RAB5C: variants seen among roughly 807,000 people sequenced by gnomAD.
RAB5C encodes RAB5C, member RAS oncogene family, also known as ras-related protein Rab-5C.
Under a neutral mutation model 25.2 loss-of-function variants are expected in RAB5C, and 4 were observed. The ratio of observed to expected loss-of-function variants is 0.16; its 90% CI spans 0.08 to 0.36. RAB5C has a LOEUF of 0.36. RAB5C is among the 10% of genes least tolerant of loss of function. The pLI is 1.00. For synonymous variants in RAB5C, 100 were observed against 106.4 expected (o/e 0.94, Z 0.37); for missense variants, 199 against 283.8 (o/e 0.70, Z 2.15).
intron 1 of RAB5C, among the ~76,000 whole-genome samples, chr17:42,144,479 A>G (rs1362592401): frequency 6.6e-6 from 1 of 151,582 alleles, no homozygotes; most frequent in Non-Finnish European, 1.5e-5. Context: ...AAATAAATAA[A>G]AATAAATGGG....
intron 1 of RAB5C, among the ~76,000 whole-genome samples, chr17:42,148,927 G>C (rs759774081): frequency 7.9e-5 from 12 of 152,188 alleles, no homozygotes; most frequent in Non-Finnish European, 1.8e-4. Context: ...GGGGTTGTCG[G>C]AGGATTAAAG....
chr17:42,128,733 A>C lies in RAB5C; in HGVS notation c.234T>G (p.Ala78=). Residue 78 remains alanine (A), a synonymous_variant, in exon 3 of 6, where the codon GCT becomes GCG. Transcript: ENST00000346213. ...TTVKFEIWDT[A]GQERYHSLAP... is the part of the protein sequence containing the mutation. ...CCAGGCTGTGATACCGCTCCTGTCC[A>C]GCTGTGTCCCAGATCTCAAACTTGA... The C allele has an allele frequency of 1.3e-6, 2 of 1,587,714 alleles. No homozygotes were observed. Among genetic ancestry groups the C allele is most frequent in the Non-Finnish European group, 1.7e-6 (2 of 1,167,814 alleles).
At chr17:42,144,979 A>AAG (rs2079624991) in intron 1 of RAB5C, among the ~76,000 whole-genome samples, 6 of 123,654 alleles carry the variant, frequency 4.9e-5, no homozygotes, top group Non-Finnish European at 1.0e-4. Flanking sequence ...AAAAAAAAAA[A>AAG]AGAAACCCCA....
rs969219581 is a variant in RAB5C, at chr17:42,130,963, TAAAAC to T, written c.-88-378_-88-374del. 2.0e-4 allele frequency among the ~76,000 whole-genome samples: 31 copies of T among 151,964 alleles called. No homozygotes were observed. In the South Asian group the frequency reaches 2.5e-3, roughly 12 times the overall value. On this transcript the variant is annotated intron_variant, in intron 1 of 5. Coordinates refer to ENST00000346213, the MANE Select transcript of RAB5C (RefSeq NM_004583.4). ...AGTCAACAGGCTTTTGGGGCAAAAT[TAAAAC>T]AAAACAAAACAAAACAAAAGCTCAG...
chr17:42,128,193 A>G (rs1480018921), intron 4 of RAB5C, 68 bp downstream of exon 4: 3 of 1,551,530 alleles, frequency 1.9e-6, no homozygotes, highest in Non-Finnish European at 2.6e-6. Flanking sequence ...AAAGCCCCTG[A>G]GCATCCCAGG....
At chr17:42,128,466 C>G in intron 3 of RAB5C, 83 bp from the exon 4 acceptor site, 2 of 1,512,842 alleles carry the variant, frequency 1.3e-6, no homozygotes, top group Admixed American at 2.1e-5. Flanking sequence ...CAAGCTGGCA[C>G]AGCCAAATTA....
chr17:42,145,371 T>C (rs567201817), intron 1 of RAB5C, among the ~76,000 whole-genome samples: 1 of 152,186 alleles, frequency 6.6e-6, no homozygotes, highest in African/African-American at 2.4e-5. Context: ...CTCAGCCAAG[T>C]GATCATGGTT....
chr17:42,148,953 G>C (rs1383857000), intron 1 of RAB5C, among the ~76,000 whole-genome samples: 1 of 152,160 alleles, frequency 6.6e-6, no homozygotes, highest in Non-Finnish European at 1.5e-5. Flanking sequence ...AACACATAGG[G>C]CTCACAAGAG....
chr17:42,137,704 T>C (rs957163087), intron 1 of RAB5C: 4 of 152,056 alleles, frequency 2.6e-5, no homozygotes, highest in Non-Finnish European at 5.9e-5. Context: ...CCGGCCAACA[T>C]GGTGAAACCC....
At chr17:42,148,555 A>G (rs1334410751) in intron 1 of RAB5C, among the ~76,000 whole-genome samples, 1 of 152,212 alleles carries the variant, frequency 6.6e-6, no homozygotes, top group Non-Finnish European at 1.5e-5. Context: ...AAGATCAAAC[A>G]GGACCCGATC....
intron 1 of RAB5C, among the ~76,000 whole-genome samples, chr17:42,144,921 G>A (rs1443216117): frequency 5.1e-4 from 16 of 31,224 alleles, no homozygotes; most frequent in East Asian, 2.0e-3. Flanking sequence ...GCCAGACTCC[G>A]TCTCAAAAAA....
At chr17:42,127,885 G>A (rs731151) in intron 4 of RAB5C, among the ~76,000 whole-genome samples, 35,926 of 150,382 alleles carry the variant, frequency 0.24, 5,140 homozygotes, top group African/African-American at 0.41. Context: ...GGAGTGCAGT[G>A]TTGCAATCAC....
chr17:42,130,532 C>T lies in RAB5C; in HGVS notation c.-30G>A, dbSNP rs955928227. 10 of 1,612,622 alleles carry T rather than the reference C, an allele frequency of 6.2e-6. No homozygotes were observed. In the African/African-American group the frequency reaches 1.1e-4, roughly 17 times the overall value. On this transcript the variant is annotated 5_prime_UTR_variant, in exon 2 of 6. Coordinates refer to ENST00000346213, the MANE Select transcript of RAB5C (RefSeq NM_004583.4). ...CGTCCAGCTGTAGTGGTCCAGAGAG[C>T]GTGCGGGTGGGGACTGGTGCTATGC...
intron 1 of RAB5C, among the ~76,000 whole-genome samples, chr17:42,140,235 A>G (rs1336694226): frequency 6.6e-6 from 1 of 152,124 alleles, no homozygotes; most frequent in African/African-American, 2.4e-5. Flanking sequence ...AACAGAAAAC[A>G]AAAGAAAGCC....
At chr17:42,138,949 G>A (rs1373233050) in intron 1 of RAB5C, among the ~76,000 whole-genome samples, 1 of 152,154 alleles carries the variant, frequency 6.6e-6, no homozygotes, top group African/African-American at 2.4e-5. Flanking sequence ...AGACACCCCT[G>A]AGGGACAGAC....
At position 42,128,697 on chromosome 17, in the gene RAB5C, G is replaced by A. The variant is rs1940208541; in HGVS notation, c.270C>T (p.Tyr90=). The part of the protein sequence containing the change: ...QERYHSLAPM[Y]YRGAQAAIVV... Reference sequence around the variant, plus strand: ...CGATGGCAGCCTGGGCCCCCCGATAGTACATGGGGGCCAGGCTGTGATACC... The same window carrying A: ...CGATGGCAGCCTGGGCCCCCCGATAATACATGGGGGCCAGGCTGTGATACC... Residue 90 remains tyrosine, a synonymous_variant, in exon 3 of 6, where the codon TAC becomes TAT. Coordinates refer to ENST00000346213, the MANE Select transcript of RAB5C (RefSeq NM_004583.4). The A allele has an allele frequency of 6.4e-7, 1 of 1,556,934 alleles. No individual in the cohort carries two copies. Among genetic ancestry groups the A allele is most frequent in the Non-Finnish European group, 8.7e-7 (1 of 1,154,296 alleles).
intron 4 of RAB5C, among the ~76,000 whole-genome samples, chr17:42,127,369 A>G (rs528437048): frequency 8.5e-5 from 13 of 152,350 alleles, no homozygotes; most frequent in African/African-American, 3.1e-4. Context: ...TTCTAGGGTT[A>G]GCAGAGACTT....
intron 1 of RAB5C, among the ~76,000 whole-genome samples, chr17:42,131,415 C>G (rs1025769383): frequency 6.6e-6 from 1 of 151,368 alleles, no homozygotes; most frequent in Non-Finnish European, 1.5e-5. Context: ...AACACACACA[C>G]CGGAACAAAT....
intron 1 of RAB5C, among the ~76,000 whole-genome samples, chr17:42,141,953 C>T (rs1314776020): frequency 4.6e-5 from 7 of 152,114 alleles, no homozygotes; most frequent in Non-Finnish European, 7.4e-5. Context: ...TTTCCCGGGA[C>T]TCCATTCTTC....
Sources: allele counts gnomAD v4.1 joint callset (sites outside exome capture counted in the v4.1 genomes callset), GRCh38; gene constraint gnomAD v4.1.1; transcripts MANE v1.5; gene names NCBI Gene and HGNC (gene_info 2026-07-23, HGNC 2026-07-21).